The following USP34 variants were observed in gnomAD, a reference collection of about 807,000 sequenced individuals.
The protein encoded by USP34 is ubiquitin specific peptidase 34.
A neutral mutation model predicts 460.3 loss-of-function variants in USP34; 70 were observed. The observed-to-expected ratio is 0.15, with a 90% CI of 0.13 to 0.19. The LOEUF (loss-of-function observed/expected upper bound fraction) is 0.19, where lower values mean the gene tolerates loss of function less well. Ranked by LOEUF, USP34 falls within the 10% of genes least tolerant of loss-of-function variation. The pLI, the probability that USP34 is intolerant of heterozygous loss-of-function variation, is 1.00. For synonymous variants in USP34, 1,647 were observed against 1,405.3 expected, an observed-to-expected ratio of 1.17 and a Z score of -3.85; for missense variants, 3,985 against 4,236.2, an observed-to-expected ratio of 0.94 and a Z score of 1.65.
chr2:61,379,995 G>A (rs1310442781), intron 7 of USP34, among the ~76,000 whole-genome samples, 174 bp downstream of exon 7: 1 of 152,150 alleles, frequency 6.6e-6, no homozygotes, highest in East Asian at 1.9e-4. Context: ...CTAAGCTTCA[G>A]ACTTATTTAA....
At chr2:61,202,810 C>T (rs1364209435) in intron 75 of USP34, among the ~76,000 whole-genome samples, 1 of 152,128 alleles carries the variant, frequency 6.6e-6, no homozygotes, top group Non-Finnish European at 1.5e-5. Flanking sequence ...ACCTCTACGC[C>T]TGCCTCCCTA....
At chr2:61,262,506 G>C (rs766441721) in intron 43 of USP34, among the ~76,000 whole-genome samples, 1 of 152,120 alleles carries the variant, frequency 6.6e-6, no homozygotes, top group South Asian at 2.1e-4. Context: ...TTTTGCAAAA[G>C]ACATGGTCTT....
chr2:61,459,065 C>T (rs1437405153), intron 1 of USP34, among the ~76,000 whole-genome samples: 2 of 152,056 alleles, frequency 1.3e-5, no homozygotes, highest in Non-Finnish European at 2.9e-5. Flanking sequence ...GACTCCATCT[C>T]GGGAAAAAAT....
At chr2:61,398,826 C>T (rs1046783831) in intron 3 of USP34, among the ~76,000 whole-genome samples, 1 of 152,078 alleles carries the variant, frequency 6.6e-6, no homozygotes, top group Admixed American at 6.6e-5. Flanking sequence ...AAAAAATGTC[C>T]TTAGAGAAAT....
At chr2:61,358,376 A>G (rs1692170682) in intron 10 of USP34, among the ~76,000 whole-genome samples, 1 of 152,050 alleles carries the variant, frequency 6.6e-6, no homozygotes, top group Non-Finnish European at 1.5e-5. Context: ...TTATAGTTCT[A>G]AAAAAATTAT....
chr2:61,390,880 A>G (rs750216708), intron 5 of USP34, among the ~76,000 whole-genome samples: 7 of 151,580 alleles, frequency 4.6e-5, no homozygotes, highest in Non-Finnish European at 8.8e-5. Context: ...GGGCATCGCA[A>G]GGTCAAGAGA....
At chr2:61,437,287 A>G (rs1473607656) in intron 1 of USP34, among the ~76,000 whole-genome samples, 1 of 152,204 alleles carries the variant, frequency 6.6e-6, no homozygotes, top group Non-Finnish European at 1.5e-5. Context: ...ACCTTTAGCT[A>G]GACTAAGGAA....
At chr2:61,443,522 A>G in intron 1 of USP34, among the ~76,000 whole-genome samples, 1 of 152,202 alleles carries the variant, frequency 6.6e-6, no homozygotes, top group Non-Finnish European at 1.5e-5. Flanking sequence ...AAGACATGAA[A>G]ATACATAAAG....
chr2:61,348,336 T>C lies in USP34; in HGVS notation c.1819A>G (p.Ser607Gly). 6.2e-7 allele frequency: 1 copy of C among 1,614,204 alleles called. No homozygotes were observed. Among genetic ancestry groups the C allele is most frequent in the Non-Finnish European group, 8.5e-7 (1 of 1,180,030 alleles). Residue 607 changes from serine to glycine, a missense_variant, in exon 15 of 80, where the codon AGT becomes GGT. By Grantham distance (56) the Ser-to-Gly change is moderately conservative (BLOSUM62 0). Around this residue, in one of 14 missense-constraint regions of USP34, gnomAD observed 716 missense variants for 626.2 expected, o/e 1.14. Coordinates refer to ENST00000398571, the MANE Select transcript of USP34 (RefSeq NM_014709.4). ...HASQSAGSPGSEVQSEDIADI... is the reference protein window; with the variant it reads ...HASQSAGSPGGEVQSEDIADI... ...GCAATGTCTTCTGACTGTACCTCAC[T>C]GCCAGGGCTCCCAGCTGACTGGCTT...
At chr2:61,189,255 A>ATT in intron 78 of USP34, 186 bp from the exon 79 acceptor site, 1 of 512,548 alleles carries the variant, frequency 2.0e-6, no homozygotes, top group South Asian at 3.6e-5. Flanking sequence ...GCATTTCATT[A>ATT]GTTGTTTTTT....
chr2:61,392,709 A>G (rs561052339), intron 5 of USP34, among the ~76,000 whole-genome samples: 19 of 152,226 alleles, frequency 1.2e-4, no homozygotes, highest in Non-Finnish European at 2.2e-4. Context: ...CAAGCTTTCC[A>G]TACTAGACTG....
intron 5 of USP34, among the ~76,000 whole-genome samples, chr2:61,388,251 A>G (rs1693228339): frequency 1.3e-5 from 2 of 152,038 alleles, no homozygotes; most frequent in African/African-American, 2.4e-5. Context: ...CTCAAAAAAT[A>G]ATAAAATCAC....
rs776708340 is a variant in USP34 at position 61,223,140 on chromosome 2, T to C, written c.7669A>G (p.Ile2557Val). The change falls in exon 64 of 80, where the codon ATT becomes GTT. Residue 2557 changes from isoleucine to valine, a missense_variant. Physicochemically the swap from Ile to Val is conservative, Grantham distance 29 (BLOSUM62 3). Transcript: ENST00000398571. ...GKGFPFLFQH[I>V]RDGINIRQTC... ...TGTCTTATATTGATGCCATCACGAA[T>C]ATGTTGAAACAAGAAGGGAAATCCC... 1 of 1,614,036 alleles carries C rather than the reference T, an allele frequency of 6.2e-7. No individual in the cohort carries two copies. The highest frequency in any genetic ancestry group is 8.5e-7 in the Non-Finnish European group (1 of 1,179,940).
chr2:61,268,063 T>C (rs1422469703), intron 41 of USP34, among the ~76,000 whole-genome samples: 1 of 152,134 alleles, frequency 6.6e-6, no homozygotes, highest in Non-Finnish European at 1.5e-5. Context: ...AAAGGGCTTA[T>C]TTTTATAAGC....
At chr2:61,255,717 T>A (rs1688706375) in intron 48 of USP34, among the ~76,000 whole-genome samples, 1 of 152,226 alleles carries the variant, frequency 6.6e-6, no homozygotes, top group Admixed American at 6.5e-5. Context: ...CTGAGTATCA[T>A]GATAAAATCT....
At chr2:61,316,831 A>T (rs1201804129) in intron 23 of USP34, among the ~76,000 whole-genome samples, 2 of 152,156 alleles carry the variant, frequency 1.3e-5, no homozygotes, top group Admixed American at 1.3e-4. Flanking sequence ...GGTTGCAGTG[A>T]GCTGAGATCA....
At chr2:61,298,135 T>G (rs1440585068) in intron 29 of USP34, among the ~76,000 whole-genome samples, 4 of 152,088 alleles carry the variant, frequency 2.6e-5, no homozygotes, top group African/African-American at 9.7e-5. Context: ...AAAGATACTT[T>G]ATTTTTACTT....
intron 75 of USP34, chr2:61,200,021 C>CT (rs1454500565): frequency 1.3e-5 from 2 of 152,342 alleles, no homozygotes; most frequent in African/African-American, 4.8e-5. Context: ...TACCATTGCT[C>CT]TTTTTCGAGA....
At chr2:61,325,569 T>A in intron 20 of USP34, 112 bp from the exon 21 acceptor site, 1 of 552,650 alleles carries the variant, frequency 1.8e-6, no homozygotes, top group Non-Finnish European at 2.9e-6. Flanking sequence ...TAATTCATAA[T>A]TATTTTAACT....
Sources: allele counts gnomAD v4.1 joint callset (sites outside exome capture counted in the v4.1 genomes callset), GRCh38; gene constraint gnomAD v4.1.1; regional missense constraint gnomAD v4.1.1; transcripts MANE v1.5; gene names NCBI Gene and HGNC (gene_info 2026-07-23, HGNC 2026-07-21).